Variants in ZC3H10 observed in about 807,000 individuals in gnomAD.
The protein encoded by ZC3H10 is zinc finger CCCH-type containing 10.
A neutral mutation model predicts 24.3 loss-of-function variants in ZC3H10; 12 were observed. That is an observed-to-expected ratio of 0.49 (90% CI 0.32 to 0.80). The LOEUF (loss-of-function observed/expected upper bound fraction) is 0.80, where lower values mean the gene tolerates loss of function less well. ZC3H10 is among the 30% of genes least tolerant of loss of function. The pLI is 0.04. For synonymous variants in ZC3H10, 226 were observed against 217.0 expected (o/e 1.04, Z -0.36); for missense variants, 360 against 576.3 (o/e 0.62, Z 3.84).
chr12:56,120,094 G>T, intron 2 of ZC3H10: 16 of 492,014 alleles, frequency 3.3e-5, no homozygotes, highest in Non-Finnish European at 4.2e-5. Context: ...GGTTAAGGAA[G>T]TTTTGTTACC....
rs1460438179 is a variant in ZC3H10, at chr12:56,121,928, C to G, written c.*61C>G. On this transcript the variant is annotated 3_prime_UTR_variant, in exon 3 of 3. Transcript: ENST00000257940. This position sits in a 1 kb window ranked among gnomAD's most constrained non-coding sequence, Gnocchi z 6.2. ...AGGGCTGGGGTCAGGGGGCCCTTGC[C>G]CACTCACCTAGCCTTCCCCATCCCT... 4.0e-6 allele frequency: 6 copies of G among 1,504,788 alleles called. No individual in the cohort carries two copies. The highest frequency in any genetic ancestry group is 1.4e-5 in the African/African-American group (1 of 71,898). 93.2% of individuals were successfully genotyped at this position (1,504,788 alleles called of 1,614,324 possible).
intron 2 of ZC3H10, 87 bp downstream of exon 2, chr12:56,119,238 G>A (rs1869735077): frequency 6.6e-6 from 1 of 152,588 alleles, no homozygotes; most frequent in African/African-American, 2.4e-5. Flanking sequence ...GCCAGGCTTG[G>A]ATAGATGGCA....
chr12:56,121,119 G>A lies in ZC3H10; in HGVS notation c.557G>A (p.Arg186His), dbSNP rs753750097. The A allele has an allele frequency of 1.6e-5, 26 of 1,614,052 alleles. No individual in the cohort carries two copies. The highest frequency in any genetic ancestry group is 6.7e-5 in the Admixed American group (4 of 60,008). The change falls in exon 3 of 3, where the codon CGT (arginine) becomes CAT (histidine). Residue 186 changes from arginine (R) to histidine (H), a missense_variant. By Grantham distance (29) the Arg-to-His change is conservative. This residue lies in a region of ZC3H10 where 101 missense variants were observed against 110.8 expected (regional missense o/e 0.91). Transcript: ENST00000257940. This position sits in a 1 kb window ranked among gnomAD's most constrained non-coding sequence, Gnocchi z 6.2. ...ACAGGCTCAGTCCTCCCAGGACGAC[G>A]TCATGATCTCTATGATATCTATGAC... Reference protein sequence around the residue: ...GSTGSVLPGRRHDLYDIYDLP... With the variant: ...GSTGSVLPGRHHDLYDIYDLP...
At position 56,122,394 on chromosome 12, in the gene ZC3H10, C is replaced by T. The variant is rs1229304372; in HGVS notation, c.*527C>T. The T allele has an allele frequency of 5.9e-6, 1 of 168,432 alleles. No homozygotes were observed. Among genetic ancestry groups the T allele is most frequent in the African/African-American group, 2.4e-5 (1 of 41,446 alleles). 10.4% of individuals were successfully genotyped at this position (168,432 alleles called of 1,614,324 possible). On this transcript the variant is annotated 3_prime_UTR_variant, in exon 3 of 3. Coordinates refer to ENST00000257940, the MANE Select transcript of ZC3H10 (RefSeq NM_032786.3). ...GAAAGCTGGGACCATAGTGCTCCAG[C>T]CCAAAGACTAGGGGAGCATTCATTA...
chr12:56,124,125 C>G lies in ZC3H10; in HGVS notation c.*2258C>G, dbSNP rs575700951. 2 of 152,274 alleles carry G rather than the reference C, an allele frequency of 1.3e-5. No homozygotes were observed. The highest frequency in any genetic ancestry group is 4.1e-4 in the South Asian group (2 of 4,820). 9.4% of individuals were successfully genotyped at this position (152,274 alleles called of 1,614,324 possible). On this transcript the variant is annotated 3_prime_UTR_variant, in exon 3 of 3. Coordinates refer to ENST00000257940, the MANE Select transcript of ZC3H10 (RefSeq NM_032786.3). ...AATCCAGGATAATTGGGTAGCTTGT[C>G]TAGAAGAAGGGCAGACAAGTGAACC... is the stretch of plus-strand genomic sequence containing the variant.
intron 2 of ZC3H10, chr12:56,120,265 T>G (rs1419290869): frequency 6.1e-6 from 6 of 985,348 alleles, no homozygotes; most frequent in Non-Finnish European, 7.2e-6. Flanking sequence ...ACACTATTTT[T>G]TCCCTGCTCC....
chr12:56,124,161 CGAT>C lies in ZC3H10; in HGVS notation c.*2300_*2302del, dbSNP rs1565870309. ...GCAGACAAGTGAACCTAAGCACAGT[CGAT>C]GATGAAGTCACTCACTAGCTGGGAA... On this transcript the variant is annotated 3_prime_UTR_variant, in exon 3 of 3. Transcript: ENST00000257940. The C allele has an allele frequency of 3.3e-5, 5 of 152,150 alleles. No individual in the cohort carries two copies. Among genetic ancestry groups the C allele is most frequent in the African/African-American group, 1.2e-4 (5 of 41,418 alleles). The allele number at this position is 152,150 out of a possible 1,614,324, so 9.4% of individuals were successfully genotyped here. A position where few individuals can be genotyped will look rare whatever the true frequency, so the allele number is the denominator to read the frequency against.
rs1869806814 is a variant in ZC3H10, at chr12:56,121,122, A to G, written c.560A>G (p.His187Arg). The part of the protein sequence containing the change: ...STGSVLPGRR[H>R]DLYDIYDLPD... ...GGCTCAGTCCTCCCAGGACGACGTC[A>G]TGATCTCTATGATATCTATGACCTT... Residue 187 changes from histidine (H) to arginine (R), a missense_variant, in exon 3 of 3, where the codon CAT (histidine) becomes CGT (arginine). Around this residue, in one of 3 missense-constraint regions of ZC3H10, gnomAD observed 101 missense variants for 110.8 expected, o/e 0.91. Transcript: ENST00000257940. This position sits in a 1 kb window ranked among gnomAD's most constrained non-coding sequence, Gnocchi z 6.2. 1.2e-6 allele frequency: 2 copies of G among 1,614,206 alleles called. No individual in the cohort carries two copies. The highest frequency in any genetic ancestry group is 2.2e-5 in the East Asian group (1 of 44,894).
At chr12:56,118,579 G>A (rs1869708769) in intron 1 of ZC3H10, 1 of 152,316 alleles carries the variant, frequency 6.6e-6, no homozygotes, top group Non-Finnish European at 1.5e-5. Flanking sequence ...CGCGCCCTTA[G>A]TGTCCCATTC....
rs1869857289 is a variant in ZC3H10 at position 56,121,922 on chromosome 12, C to T, written c.*55C>T. 3 of 1,514,462 alleles carry T rather than the reference C, an allele frequency of 2.0e-6. No homozygotes were observed. The highest frequency in any genetic ancestry group is 2.8e-5 in the African/African-American group (2 of 72,312). 93.8% of individuals were successfully genotyped at this position (1,514,462 alleles called of 1,614,324 possible). A position where few individuals can be genotyped will look rare whatever the true frequency, so the allele number is the denominator to read the frequency against. On this transcript the variant is annotated 3_prime_UTR_variant, in exon 3 of 3. Coordinates refer to ENST00000257940, the MANE Select transcript of ZC3H10 (RefSeq NM_032786.3). The surrounding 1 kb of genome is among the most constrained non-coding windows in gnomAD (Gnocchi z 6.2). ...CCTCGCAGGGCTGGGGTCAGGGGGC[C>T]CTTGCCCACTCACCTAGCCTTCCCC...
In ZC3H10 at chr12:56,121,005, G is replaced by A. The variant is rs766231085; in HGVS notation, c.443G>A (p.Cys148Tyr). The A allele has an allele frequency of 6.2e-7, 1 of 1,614,194 alleles. No homozygotes were observed. Among genetic ancestry groups the A allele is most frequent in the South Asian group, 1.1e-5 (1 of 91,076 alleles). ...PICRDFLKGDCQRGAKCKFRH... is the reference protein window; with the variant it reads ...PICRDFLKGDYQRGAKCKFRH... The stretch of plus-strand genomic sequence containing the variant: ...TGCCGTGACTTTCTCAAGGGTGACT[G>A]TCAGAGAGGAGCCAAGTGCAAGTTC... Residue 148 changes from cysteine (C) to tyrosine (Y), a missense_variant, in exon 3 of 3, where the codon TGT (cysteine) becomes TAT (tyrosine). Physicochemically the swap from Cys to Tyr is radical, Grantham distance 194. This residue lies in a region of ZC3H10 where 126 missense variants were observed against 208.8 expected (regional missense o/e 0.60). Coordinates refer to ENST00000257940, the MANE Select transcript of ZC3H10 (RefSeq NM_032786.3). This position sits in a 1 kb window ranked among gnomAD's most constrained non-coding sequence, Gnocchi z 6.2.
rs1302278491 is a variant in ZC3H10, at chr12:56,124,512, A to T, written c.*2645A>T. Reference sequence around the variant, plus strand: ...TTAATCGTAGCATTTTTTCCATGCAAATGGCTCTGGTTAAAAAATAATGAG... The same window carrying T: ...TTAATCGTAGCATTTTTTCCATGCATATGGCTCTGGTTAAAAAATAATGAG... On this transcript the variant is annotated 3_prime_UTR_variant, in exon 3 of 3. Coordinates refer to ENST00000257940, the MANE Select transcript of ZC3H10 (RefSeq NM_032786.3). 1 of 152,228 alleles carries T rather than the reference A, an allele frequency of 6.6e-6. No individual in the cohort carries two copies. The highest frequency in any genetic ancestry group is 1.5e-5 in the Non-Finnish European group (1 of 68,034). The allele number at this position is 152,228 out of a possible 1,614,324, so 9.4% of individuals were successfully genotyped here.
chr12:56,119,680 C>G (rs909286148), intron 2 of ZC3H10: 1 of 151,834 alleles, frequency 6.6e-6, no homozygotes, highest in Non-Finnish European at 1.5e-5. Flanking sequence ...AAATAGGAGA[C>G]TTAAAAAGCT....
Position 56,122,579 on chromosome 12 carries a change from AC to A in ZC3H10, c.*716del, listed in dbSNP as rs1869880437. The A allele has an allele frequency of 1.2e-5, 2 of 160,452 alleles. No individual in the cohort carries two copies. The highest frequency in any genetic ancestry group is 2.1e-4 in the South Asian group (1 of 4,830). 9.9% of individuals were successfully genotyped at this position (160,452 alleles called of 1,614,324 possible). A position where few individuals can be genotyped will look rare whatever the true frequency, so the allele number is the denominator to read the frequency against. ...GATCTCATGCCAAAATGGGATAAAGACCCCAGCCTCACATAGCTTTGGTAAG... is the reference window on the plus strand; with the variant it reads ...GATCTCATGCCAAAATGGGATAAAGACCCAGCCTCACATAGCTTTGGTAAG... On this transcript the variant is annotated 3_prime_UTR_variant, in exon 3 of 3. Transcript: ENST00000257940.
intron 2 of ZC3H10, chr12:56,119,784 G>C (rs1869754540): frequency 6.6e-6 from 1 of 152,118 alleles, no homozygotes; most frequent in Admixed American, 6.5e-5. Flanking sequence ...GTAGGAAGGG[G>C]GTGGGGAATG....
At chr12:56,118,716 C>G (rs547750185) in intron 1 of ZC3H10, 1 of 152,378 alleles carries the variant, frequency 6.6e-6, no homozygotes, top group East Asian at 1.9e-4. Context: ...CAATCACTGC[C>G]TTCAAGTCTA....
At chr12:56,118,798 C>T (rs1246228748) in intron 1 of ZC3H10, 3 of 152,224 alleles carry the variant, frequency 2.0e-5, no homozygotes, top group East Asian at 1.9e-4. Flanking sequence ...AACTCCAGCC[C>T]TTGGCGGTGC....
rs1001753935 is a variant in ZC3H10 at position 56,124,471 on chromosome 12, G to A, written c.*2604G>A. The stretch of plus-strand genomic sequence containing the variant: ...CCTGCTAAGTCATCACAGATAAGAG[G>A]AAAATTACGGGTCAGTTAATCGTAG... On this transcript the variant is annotated 3_prime_UTR_variant, in exon 3 of 3. Transcript: ENST00000257940. The A allele has an allele frequency of 6.6e-6, 1 of 152,154 alleles. No homozygotes were observed. Among genetic ancestry groups the A allele is most frequent in the African/African-American group, 2.4e-5 (1 of 41,428 alleles). 9.4% of individuals were successfully genotyped at this position (152,154 alleles called of 1,614,324 possible).
At position 56,121,059 on chromosome 12, in the gene ZC3H10, A is replaced by G. The variant is rs1869801534; in HGVS notation, c.497A>G (p.Asp166Gly). ...FRHLQRDFEFDARGGGGTGGG... is the reference protein window; with the variant it reads ...FRHLQRDFEFGARGGGGTGGG... ...CACCTGCAACGGGATTTTGAGTTTG[A>G]TGCTCGGGGTGGAGGAGGCACTGGT... The change falls in exon 3 of 3, where the codon GAT (aspartate) becomes GGT (glycine). Residue 166 changes from aspartate (D) to glycine (G), a missense_variant. This residue lies in a region of ZC3H10 where 101 missense variants were observed against 110.8 expected (regional missense o/e 0.91). Coordinates refer to ENST00000257940, the MANE Select transcript of ZC3H10 (RefSeq NM_032786.3). This position sits in a 1 kb window ranked among gnomAD's most constrained non-coding sequence, Gnocchi z 6.2. 2 of 1,614,036 alleles carry G rather than the reference A, an allele frequency of 1.2e-6. No individual in the cohort carries two copies. The highest frequency in any genetic ancestry group is 1.7e-6 in the Non-Finnish European group (2 of 1,180,030).
Sources: allele counts gnomAD v4.1 joint callset, GRCh38; gene constraint gnomAD v4.1.1; regional missense constraint gnomAD v4.1.1; non-coding constraint Gnocchi (gnomAD v3.1); transcripts MANE v1.5; gene names NCBI Gene and HGNC (gene_info 2026-07-23, HGNC 2026-07-21).